TMEM204: variants seen among roughly 807,000 people sequenced by gnomAD.
TMEM204 encodes claudin-like protein 24.
In TMEM204, 15 loss-of-function variants were observed where a neutral mutation model predicts 19.4. That is an observed-to-expected ratio of 0.77 (90% confidence interval 0.52 to 1.19). The LOEUF (loss-of-function observed/expected upper bound fraction) is 1.19, where lower values mean the gene tolerates loss of function less well. Among genes scored for constraint, TMEM204 ranks in the 50% most tolerant of loss-of-function variants. The pLI is 0.00. For synonymous variants in TMEM204, 161 were observed against 146.0 expected (o/e 1.10, Z -0.74); for missense variants, 287 against 321.2 (o/e 0.89, Z 0.81).
chr16:1,529,290 C>T (rs987687723), upstream of TMEM204, among the ~76,000 whole-genome samples: 9 of 152,218 alleles, frequency 5.9e-5, no homozygotes, highest in Admixed American at 1.3e-4. Context: ...TCCAAACCCA[C>T]GGGCCAGGCC....
chr16:1,534,395 G>A lies in TMEM204; in HGVS notation c.120G>A (p.Arg40=). 1 of 1,612,694 alleles carries A rather than the reference G, an allele frequency of 6.2e-7. No homozygotes were observed. Among genetic ancestry groups the A allele is most frequent in the Non-Finnish European group, 8.5e-7 (1 of 1,179,850 alleles). ...GCCAGACGCTGGAGGATGGGCGCAG[G>A]CGCAGCGTGGGGCTGTGGAGGTCCT... ...WVCQTLEDGR[R]RSVGLWRSCW... The change falls in exon 1 of 3, where the codon AGG becomes AGA. Residue 40 remains arginine, a synonymous_variant. Transcript: ENST00000566264.
intron 2 of TMEM204, among the ~76,000 whole-genome samples, chr16:1,545,973 G>A (rs1362376546): frequency 6.6e-5 from 10 of 152,208 alleles, no homozygotes; most frequent in South Asian, 2.1e-4. Flanking sequence ...CTTGGCTGCC[G>A]CTGCCCTTGG....
chr16:1,546,618 G>A (rs1031884367), intron 2 of TMEM204, among the ~76,000 whole-genome samples: 1 of 152,194 alleles, frequency 6.6e-6, no homozygotes, highest in African/African-American at 2.4e-5. Flanking sequence ...TGCAGCACCT[G>A]TGCTCCCCAC....
rs981164418 is a variant in TMEM204 at position 1,534,686 on chromosome 16, G to T, written c.280+131G>T. 3 of 1,345,162 alleles carry T rather than the reference G, an allele frequency of 2.2e-6. No individual in the cohort carries two copies. In the African/African-American group the frequency reaches 4.4e-5, roughly 20 times the overall value. The allele number at this position is 1,345,162 out of a possible 1,614,324, so 83.3% of individuals were successfully genotyped here. A position where few individuals can be genotyped will look rare whatever the true frequency, so the allele number is the denominator to read the frequency against. ...GCTCTGCCCTGAGCGTGGCCTCTGG[G>T]CAGGCAGGAGGGGGCACTGTGTCTC... On this transcript the variant is annotated intron_variant, in intron 1 of 2. Coordinates refer to ENST00000566264, the MANE Select transcript of TMEM204 (RefSeq NM_024600.6).
At chr16:1,536,136 G>C (rs1427518480) in intron 1 of TMEM204, among the ~76,000 whole-genome samples, 1 of 152,240 alleles carries the variant, frequency 6.6e-6, no homozygotes, top group Non-Finnish European at 1.5e-5. Context: ...CCGCAGCTCT[G>C]CACCTCCAGG....
chr16:1,534,250 GA>G lies in TMEM204; in HGVS notation c.-25del. On this transcript the variant is annotated 5_prime_UTR_variant, in exon 1 of 3. Transcript: ENST00000566264. ...GCGGACTGGGACTTGGCTTTCTCCG[GA>G]TAAGCGGCGGCACCGGCGTCAGCGA... The G allele has an allele frequency of 6.2e-7, 1 of 1,607,066 alleles. No homozygotes were observed. Among genetic ancestry groups the G allele is most frequent in the Middle Eastern group, 1.7e-4 (1 of 5,972 alleles).
chr16:1,554,134 C>A, intron 2 of TMEM204: 2 of 1,286,966 alleles, frequency 1.6e-6, no homozygotes, highest in Admixed American at 4.6e-5. Context: ...AGGGAAGACA[C>A]CAGATATAGC....
At position 1,534,487 on chromosome 16, in the gene TMEM204, A is replaced by G. The variant is rs768423647; in HGVS notation, c.212A>G (p.His71Arg). Residue 71 changes from histidine to arginine, a missense_variant, in exon 1 of 3, where the codon CAT (histidine) becomes CGT (arginine). Coordinates refer to ENST00000566264, the MANE Select transcript of TMEM204 (RefSeq NM_024600.6). Reference sequence around the variant, plus strand: ...GCCAGAGCCGGCCAGGTGGACGCACATGACTGTGAGGCGCTGGGCTGGGGC... The same window carrying G: ...GCCAGAGCCGGCCAGGTGGACGCACGTGACTGTGAGGCGCTGGGCTGGGGC... ...PGARAGQVDA[H>R]DCEALGWGSE... 8 of 1,610,322 alleles carry G rather than the reference A, an allele frequency of 5.0e-6. No individual in the cohort carries two copies. Among genetic ancestry groups the G allele is most frequent in the African/African-American group, 1.3e-5 (1 of 75,060 alleles).
At chr16:1,536,270 T>C (rs554716042) in intron 1 of TMEM204, among the ~76,000 whole-genome samples, 1 of 152,300 alleles carries the variant, frequency 6.6e-6, no homozygotes, top group South Asian at 2.1e-4. Flanking sequence ...GGGCCGCGTG[T>C]AGCCTCTGGC....
In TMEM204 at chr16:1,545,944, G is replaced by C. The variant is rs189324982; in HGVS notation, c.436+3868G>C. 2.7e-4 allele frequency among the ~76,000 whole-genome samples: 41 copies of C among 152,322 alleles called. 1 individual carries two copies. Among genetic ancestry groups the C allele is most frequent in the Admixed American group, 1.5e-3 (23 of 15,294 alleles). On this transcript the variant is annotated intron_variant, in intron 2 of 2. Transcript: ENST00000566264. ...CCCAGAGAGAGCAGCTGAAATGTGCGGGGACCCCACTGTCCTGGCTTGGCT... is the reference window on the plus strand; with the variant it reads ...CCCAGAGAGAGCAGCTGAAATGTGCCGGGACCCCACTGTCCTGGCTTGGCT...
At position 1,553,757 on chromosome 16, in the gene TMEM204, G is replaced by A. The variant is rs1000549905; in HGVS notation, c.437-1025G>A. On this transcript the variant is annotated intron_variant, in intron 2 of 2. Transcript: ENST00000566264. The surrounding 1 kb of genome is among the most constrained non-coding windows in gnomAD (Gnocchi z 4.4). ...CCCATGGCTGTAGGGGATGAGGAGGGGCAGGGCCATGTGGACAGCCTCTCC... is the reference window on the plus strand; with the variant it reads ...CCCATGGCTGTAGGGGATGAGGAGGAGCAGGGCCATGTGGACAGCCTCTCC... The A allele has an allele frequency of 1.7e-6, 2 of 1,171,238 alleles. No homozygotes were observed. The highest frequency in any genetic ancestry group is 3.2e-5 in the African/African-American group (2 of 62,330). 72.6% of individuals were successfully genotyped at this position (1,171,238 alleles called of 1,614,324 possible). A position where few individuals can be genotyped will look rare whatever the true frequency, so the allele number is the denominator to read the frequency against.
rs2032873371 is a variant in TMEM204, at chr16:1,553,822, C to T, written c.437-960C>T. The T allele has an allele frequency of 1.5e-5, 18 of 1,206,892 alleles. No homozygotes were observed. The highest frequency in any genetic ancestry group is 1.9e-5 in the Non-Finnish European group (18 of 949,572). 74.8% of individuals were successfully genotyped at this position (1,206,892 alleles called of 1,614,324 possible). Reference sequence around the variant, plus strand: ...TATGTTTCCAGCTGGATTAGGACGCCCGGCTCCATCGCTGCGGCCACAGTG... The same window carrying T: ...TATGTTTCCAGCTGGATTAGGACGCTCGGCTCCATCGCTGCGGCCACAGTG... On this transcript the variant is annotated intron_variant, in intron 2 of 2. Transcript: ENST00000566264. This position sits in a 1 kb window ranked among gnomAD's most constrained non-coding sequence, Gnocchi z 4.4.
Position 1,534,201 on chromosome 16 carries a change from T to C in TMEM204, c.-75T>C. The C allele has an allele frequency of 1.9e-6, 3 of 1,568,624 alleles. No individual in the cohort carries two copies. The highest frequency in any genetic ancestry group is 2.6e-6 in the Non-Finnish European group (3 of 1,163,048). ...TGTCCTCTAGCCACCCCTAGCAGCG[T>C]CGGCTCTCCCTGGACGTGCGGCCGC... On this transcript the variant is annotated 5_prime_UTR_variant, in exon 1 of 3. Transcript: ENST00000566264.
At chr16:1,535,231 C>T (rs962314216) in intron 1 of TMEM204, among the ~76,000 whole-genome samples, 9 of 152,038 alleles carry the variant, frequency 5.9e-5, no homozygotes, top group South Asian at 2.1e-4. Context: ...GAGGCCAGGA[C>T]GCTCGGAAGG....
upstream of TMEM204, chr16:1,530,845 G>A (rs2030400476): frequency 6.6e-6 from 1 of 152,322 alleles, no homozygotes; most frequent in Non-Finnish European, 1.5e-5. Flanking sequence ...GCCCTGTCCT[G>A]GGCATTAAGT....
Position 1,553,771 on chromosome 16 carries a change from G to A in TMEM204, c.437-1011G>A, listed in dbSNP as rs1596354186. 1.7e-6 allele frequency: 2 copies of A among 1,178,224 alleles called. No homozygotes were observed. Among genetic ancestry groups the A allele is most frequent in the East Asian group, 5.9e-5 (1 of 17,068 alleles). 73.0% of individuals were successfully genotyped at this position (1,178,224 alleles called of 1,614,324 possible). On this transcript the variant is annotated intron_variant, in intron 2 of 2. Coordinates refer to ENST00000566264, the MANE Select transcript of TMEM204 (RefSeq NM_024600.6). This position sits in a 1 kb window ranked among gnomAD's most constrained non-coding sequence, Gnocchi z 4.4. The stretch of plus-strand genomic sequence containing the variant: ...GGATGAGGAGGGGCAGGGCCATGTG[G>A]ACAGCCTCTCCTCCATCCTAGAGCC...
chr16:1,542,609 G>A (rs1479548854), intron 2 of TMEM204, among the ~76,000 whole-genome samples: 1 of 152,258 alleles, frequency 6.6e-6, no homozygotes, highest in African/African-American at 2.4e-5. Context: ...TCAGCCTGGG[G>A]TCAGCGCAGG....
At chr16:1,545,534 G>C (rs974547463) in intron 2 of TMEM204, among the ~76,000 whole-genome samples, 1 of 152,050 alleles carries the variant, frequency 6.6e-6, no homozygotes, top group East Asian at 1.9e-4. Flanking sequence ...CTGTACTCGC[G>C]TCTGTTTTAA....
intron 2 of TMEM204, among the ~76,000 whole-genome samples, chr16:1,550,818 C>T (rs1480871498): frequency 6.6e-6 from 1 of 152,214 alleles, no homozygotes; most frequent in Non-Finnish European, 1.5e-5. Flanking sequence ...TGCCAGTTCC[C>T]CAAGGAAAGT....
Sources: allele counts gnomAD v4.1 joint callset (sites outside exome capture counted in the v4.1 genomes callset), GRCh38; gene constraint gnomAD v4.1.1; non-coding constraint Gnocchi (gnomAD v3.1); transcripts MANE v1.5; gene names NCBI Gene and HGNC (gene_info 2026-07-23, HGNC 2026-07-21).